DCAF17: variants seen among roughly 807,000 people sequenced by gnomAD.
The protein encoded by DCAF17 is DDB1- and CUL4-associated factor 17.
In DCAF17, 48 loss-of-function variants were observed where a neutral mutation model predicts 66.0. That is an observed-to-expected ratio of 0.73 (90% confidence interval 0.58 to 0.92). The LOEUF (loss-of-function observed/expected upper bound fraction) is 0.92. Ranked by LOEUF, DCAF17 falls within the 40% of genes least tolerant of loss-of-function variation. The pLI, the probability that DCAF17 is intolerant of heterozygous loss-of-function variation, is 0.00. For synonymous variants in DCAF17, 206 were observed against 214.6 expected (o/e 0.96, Z 0.35); for missense variants, 562 against 622.8 (o/e 0.90, Z 1.04).
At chr2:171,442,748 C>T (rs1328331481) in intron 2 of DCAF17, among the ~76,000 whole-genome samples, 3 of 151,696 alleles carry the variant, frequency 2.0e-5, no homozygotes, top group Non-Finnish European at 4.4e-5. Context: ...AGCGTAGTAG[C>T]ATGAGCTTGT....
chr2:171,483,142 CAT>C lies in DCAF17; in HGVS notation c.*2030_*2031del, dbSNP rs1696811673. Reference sequence around the variant, plus strand: ...GAATGTGGGGAATTTGGATACCACACATAGCGAGAGACAATGAAGCATGCTTC... The same window carrying C: ...GAATGTGGGGAATTTGGATACCACACAGCGAGAGACAATGAAGCATGCTTC... On this transcript the variant is annotated 3_prime_UTR_variant, in exon 14 of 14. Transcript: ENST00000375255. 2.2e-6 allele frequency: 1 copy of C among 454,026 alleles called. No homozygotes were observed. The highest frequency in any genetic ancestry group is 4.4e-6 in the Non-Finnish European group (1 of 226,804). The allele number at this position is 454,026 out of a possible 1,614,324, so 28.1% of individuals were successfully genotyped here. A position where few individuals can be genotyped will look rare whatever the true frequency, so the allele number is the denominator to read the frequency against.
intron 8 of DCAF17, among the ~76,000 whole-genome samples, chr2:171,459,052 G>A (rs62183501): frequency 0.082 from 12,409 of 152,150 alleles, 660 homozygotes; most frequent in African/African-American, 0.14. Context: ...GCTCATGCCC[G>A]TAATCCCAGC....
intron 9 of DCAF17, among the ~76,000 whole-genome samples, chr2:171,469,251 A>T (rs1384724407): frequency 6.6e-6 from 1 of 152,250 alleles, no homozygotes; most frequent in Non-Finnish European, 1.5e-5. Context: ...TATAGCAACA[A>T]GAATTTTATA....
chr2:171,446,705 A>G lies in DCAF17; in HGVS notation c.322-1976A>G, dbSNP rs180809674. On this transcript the variant is annotated intron_variant, in intron 3 of 13. Coordinates refer to ENST00000375255, the MANE Select transcript of DCAF17 (RefSeq NM_025000.4). ...GGAAAAGAGCAGGATAACAGTGTGG[A>G]GACTGCTAAGTTGAGAATTTAAAAC... Among the ~76,000 whole-genome samples the G allele has an allele frequency of 1.4e-3, 214 of 152,310 alleles. 4 individuals carry two copies. The East Asian group carries it at 0.016, about 11-fold the overall frequency.
In DCAF17 at chr2:171,481,053, A is replaced by G. The variant is rs192590459; in HGVS notation, c.1502A>G (p.Tyr501Cys). ...EQKPNRVFSC[Y>C]VYQMICDTGE... ...AAACCCAACAGAGTCTTCAGCTGCTATGTTTACCAGATGATATGTGACACT... is the reference window on the plus strand; with the variant it reads ...AAACCCAACAGAGTCTTCAGCTGCTGTGTTTACCAGATGATATGTGACACT... Residue 501 changes from tyrosine to cysteine, a missense_variant, in exon 14 of 14, where the codon TAT (tyrosine) becomes TGT (cysteine). Physicochemically the swap from Tyr to Cys is radical, Grantham distance 194. Transcript: ENST00000375255. 6 of 1,613,818 alleles carry G rather than the reference A, an allele frequency of 3.7e-6. No individual in the cohort carries two copies. The highest frequency in any genetic ancestry group is 1.1e-5 in the South Asian group (1 of 91,076).
intron 10 of DCAF17, among the ~76,000 whole-genome samples, chr2:171,476,261 T>C (rs1696493848): frequency 6.6e-6 from 1 of 152,154 alleles, no homozygotes; most frequent in African/African-American, 2.4e-5. Flanking sequence ...TATTTTCTTT[T>C]AATAGGCTTG....
chr2:171,474,822 C>G (rs571640785), intron 10 of DCAF17, among the ~76,000 whole-genome samples: 1 of 152,324 alleles, frequency 6.6e-6, no homozygotes, highest in African/African-American at 2.4e-5. Context: ...TTTTTTAAAT[C>G]TGCCTGTTTC....
At position 171,484,048 on chromosome 2, in the gene DCAF17, C is replaced by G. The variant is rs1486370392; in HGVS notation, c.*2934C>G. On this transcript the variant is annotated 3_prime_UTR_variant, in exon 14 of 14. Coordinates refer to ENST00000375255, the MANE Select transcript of DCAF17 (RefSeq NM_025000.4). ...ATTTTGAACAAATTTGGGTAAGATA[C>G]AAGTCACACATAAATTGACAGAAAA... 2.2e-6 allele frequency: 1 copy of G among 453,882 alleles called. No homozygotes were observed. Among genetic ancestry groups the G allele is most frequent in the Admixed American group, 2.4e-5 (1 of 42,518 alleles). The allele number at this position is 453,882 out of a possible 1,614,324, so 28.1% of individuals were successfully genotyped here. A position where few individuals can be genotyped will look rare whatever the true frequency, so the allele number is the denominator to read the frequency against.
chr2:171,467,727 C>CGAA (rs773482982), intron 8 of DCAF17, among the ~76,000 whole-genome samples: 1 of 68,740 alleles, frequency 1.5e-5, no homozygotes, highest in Admixed American at 1.5e-4. Context: ...GAGACTGTCT[C>CGAA]AAAAAAAAAA....
At chr2:171,434,818 TG>T in intron 1 of DCAF17, 115 bp downstream of exon 1, 1 of 1,389,684 alleles carries the variant, frequency 7.2e-7, no homozygotes, top group Non-Finnish European at 9.4e-7. Context: ...TCACATGTGA[TG>T]GGGAGGAGGA....
intron 8 of DCAF17, among the ~76,000 whole-genome samples, chr2:171,459,215 G>A (rs1327651285): frequency 6.6e-6 from 1 of 152,182 alleles, no homozygotes; most frequent in Non-Finnish European, 1.5e-5. Context: ...GGGAGGCTGA[G>A]GCAGGAGAAT....
intron 6 of DCAF17, among the ~76,000 whole-genome samples, chr2:171,454,997 G>C (rs1695170236): frequency 6.6e-6 from 1 of 151,166 alleles, no homozygotes; most frequent in Non-Finnish European, 1.5e-5. Flanking sequence ...CTAAGTTCAG[G>C]GGTACATGTG....
intron 5 of DCAF17, 141 bp from the exon 6 acceptor site, chr2:171,452,983 T>G (rs1695039223): frequency 1.9e-6 from 1 of 525,710 alleles, no homozygotes; most frequent in Non-Finnish European, 3.3e-6. Flanking sequence ...AACTTTGCAA[T>G]CTAGATAGAT....
intron 5 of DCAF17, among the ~76,000 whole-genome samples, chr2:171,450,964 T>C (rs28453686): frequency 0.013 from 1,971 of 152,170 alleles, 51 homozygotes; most frequent in African/African-American, 0.045. Flanking sequence ...CCTGCTCTTA[T>C]GCACTGTAGT....
Position 171,484,864 on chromosome 2 carries a change from T to C in DCAF17, c.*3750T>C. 2.2e-6 allele frequency: 1 copy of C among 453,922 alleles called. No homozygotes were observed. 28.1% of individuals were successfully genotyped at this position (453,922 alleles called of 1,614,324 possible). Reference sequence around the variant, plus strand: ...TACAAAATGTAATGCTTCTTTCACTTAGCATAATGTTTTTGAGATTTATTC... The same window carrying C: ...TACAAAATGTAATGCTTCTTTCACTCAGCATAATGTTTTTGAGATTTATTC... On this transcript the variant is annotated 3_prime_UTR_variant, in exon 14 of 14. Coordinates refer to ENST00000375255, the MANE Select transcript of DCAF17 (RefSeq NM_025000.4).
chr2:171,436,485 C>T (rs1016741207), intron 2 of DCAF17, among the ~76,000 whole-genome samples: 2 of 152,224 alleles, frequency 1.3e-5, no homozygotes, highest in Non-Finnish European at 2.9e-5. Flanking sequence ...CTTGTCAACA[C>T]TTGATGTGTG....
chr2:171,434,815 T>G, intron 1 of DCAF17, 112 bp downstream of exon 1: 2 of 1,393,698 alleles, frequency 1.4e-6, no homozygotes, highest in South Asian at 1.6e-5. Context: ...GGGTCACATG[T>G]GATGGGGAGG....
In DCAF17 at chr2:171,453,137, A is replaced by G; in HGVS notation, c.551A>G (p.Gln184Arg). ...CTTTCCTTCTAGGCAGGCATTCAAC[A>G]ACATGTTTTGCTGTACCTTGCAGTG... is the stretch of plus-strand genomic sequence containing the variant. ...SAVARQAGIQ[Q>R]HVLLYLAVFR... Residue 184 changes from glutamine to arginine, a missense_variant, in exon 6 of 14, where the codon CAA becomes CGA. Around this residue, in one of 3 missense-constraint regions of DCAF17, gnomAD observed 348 missense variants for 355.9 expected, o/e 0.98. Transcript: ENST00000375255. The G allele has an allele frequency of 6.2e-7, 1 of 1,608,614 alleles. No homozygotes were observed. The highest frequency in any genetic ancestry group is 1.3e-5 in the African/African-American group (1 of 74,922).
At chr2:171,464,760 A>G (rs947576764) in intron 8 of DCAF17, among the ~76,000 whole-genome samples, 4 of 152,210 alleles carry the variant, frequency 2.6e-5, no homozygotes, top group African/African-American at 9.6e-5. Context: ...GCTCATTTTC[A>G]TACTTCCAAA....
Sources: allele counts gnomAD v4.1 joint callset (sites outside exome capture counted in the v4.1 genomes callset), GRCh38; gene constraint gnomAD v4.1.1; regional missense constraint gnomAD v4.1.1; transcripts MANE v1.5; gene names NCBI Gene and HGNC (gene_info 2026-07-23, HGNC 2026-07-21).